The following RNF150 variants were observed in gnomAD, a reference collection of about 807,000 sequenced individuals.
The protein encoded by RNF150 is ring finger protein 150.
Under a neutral mutation model 39.3 loss-of-function variants are expected in RNF150, and 24 were observed. That is an observed-to-expected ratio of 0.61 (90% confidence interval 0.44 to 0.86). RNF150 has a LOEUF of 0.86. RNF150 is among the 40% of genes least tolerant of loss of function. The pLI, the probability that RNF150 is intolerant of heterozygous loss-of-function variation, is 0.00. For missense variants in RNF150, 502 were observed against 587.8 expected (o/e 0.85, Z 1.51); for synonymous variants, 255 against 227.3 (o/e 1.12, Z -1.10).
intron 4 of RNF150, among the ~76,000 whole-genome samples, chr4:140,929,193 C>A (rs1213825236): frequency 1.4e-5 from 2 of 147,792 alleles, no homozygotes; most frequent in Admixed American, 1.4e-4. Flanking sequence ...TGATTAATAT[C>A]CCCAAGTCTC....
intron 1 of RNF150, among the ~76,000 whole-genome samples, chr4:141,167,776 T>C (rs1441098404): frequency 1.3e-5 from 2 of 152,138 alleles, no homozygotes; most frequent in African/African-American, 4.8e-5. Context: ...TCTTTACACC[T>C]TATACAAAAA....
intron 2 of RNF150, among the ~76,000 whole-genome samples, chr4:140,957,152 C>T (rs1370517700): frequency 2.0e-5 from 3 of 151,738 alleles, no homozygotes; most frequent in African/African-American, 7.3e-5. Flanking sequence ...TCGCAACCTA[C>T]TCATCTGACA....
chr4:141,160,369 AT>A (rs1727489431), intron 1 of RNF150, among the ~76,000 whole-genome samples: 1 of 152,250 alleles, frequency 6.6e-6, no homozygotes, highest in Non-Finnish European at 1.5e-5. Context: ...TGGCAGGCTG[AT>A]AAATCTTATC....
intron 6 of RNF150, among the ~76,000 whole-genome samples, chr4:140,889,152 G>A (rs1182754367): frequency 6.6e-6 from 1 of 151,928 alleles, no homozygotes; most frequent in African/African-American, 2.4e-5. Flanking sequence ...CGAAGTGCTG[G>A]GATTACAGAC....
chr4:140,980,838 G>A (rs1733836849), intron 1 of RNF150, among the ~76,000 whole-genome samples: 1 of 152,112 alleles, frequency 6.6e-6, no homozygotes, highest in African/African-American at 2.4e-5. Flanking sequence ...TCGTTATAGA[G>A]CATGAGAACA....
intron 1 of RNF150, among the ~76,000 whole-genome samples, chr4:141,044,993 G>A (rs371044776): frequency 1.4e-3 from 219 of 152,312 alleles, no homozygotes; most frequent in Non-Finnish European, 1.5e-3. Flanking sequence ...TATTTTACAA[G>A]CATTATGTCT....
At chr4:140,946,798 G>A (rs144839664) in intron 4 of RNF150, among the ~76,000 whole-genome samples, 1 of 152,156 alleles carries the variant, frequency 6.6e-6, no homozygotes, top group South Asian at 2.1e-4. Context: ...GAGCCACCAT[G>A]CCTGGCTGAA....
At chr4:141,108,889 G>A (rs943777401) in intron 1 of RNF150, among the ~76,000 whole-genome samples, 2 of 152,126 alleles carry the variant, frequency 1.3e-5, no homozygotes, top group Non-Finnish European at 2.9e-5. Context: ...CTTAACCGCT[G>A]CAGCTCAGGC....
intron 1 of RNF150, among the ~76,000 whole-genome samples, chr4:141,017,545 T>G (rs1379140555): frequency 6.6e-6 from 1 of 152,184 alleles, no homozygotes; most frequent in African/African-American, 2.4e-5. Context: ...TGGGTTCACT[T>G]CTGGTGTACA....
intron 1 of RNF150, among the ~76,000 whole-genome samples, chr4:141,032,556 T>C (rs1318494149): frequency 2.0e-5 from 3 of 152,034 alleles, no homozygotes; most frequent in Non-Finnish European, 2.9e-5. Context: ...TCACATTATA[T>C]ATCATAAATT....
intron 1 of RNF150, among the ~76,000 whole-genome samples, chr4:141,113,346 A>AT (rs1028945478): frequency 5.9e-5 from 9 of 151,988 alleles, no homozygotes; most frequent in Admixed American, 5.2e-4. Flanking sequence ...TTAAAAAAAA[A>AT]AAAAAAAGCA....
intron 1 of RNF150, among the ~76,000 whole-genome samples, chr4:141,039,787 C>T (rs1197503418): frequency 6.6e-6 from 1 of 152,124 alleles, no homozygotes; most frequent in Non-Finnish European, 1.5e-5. Context: ...CCCAGAGTCC[C>T]ATATGAGCAG....
intron 1 of RNF150, among the ~76,000 whole-genome samples, chr4:141,076,134 T>C (rs990096799): frequency 2.0e-5 from 3 of 152,328 alleles, no homozygotes; most frequent in East Asian, 3.9e-4. Context: ...TGTGAAGTTT[T>C]CTAAAACTGC....
chr4:140,933,725 C>T (rs574292601), intron 4 of RNF150, among the ~76,000 whole-genome samples: 38 of 152,244 alleles, frequency 2.5e-4, no homozygotes, highest in Admixed American at 2.5e-3. Flanking sequence ...CATGCTTTTC[C>T]CTGTTCCTTG....
At chr4:141,104,090 G>C (rs984564511) in intron 1 of RNF150, among the ~76,000 whole-genome samples, 2 of 152,114 alleles carry the variant, frequency 1.3e-5, no homozygotes, top group Non-Finnish European at 2.9e-5. Flanking sequence ...ATAAGGCTTG[G>C]GGTTCTAGGG....
At chr4:141,062,874 C>T (rs1371573109) in intron 1 of RNF150, among the ~76,000 whole-genome samples, 1 of 152,158 alleles carries the variant, frequency 6.6e-6, no homozygotes, top group Non-Finnish European at 1.5e-5. Context: ...TGTTCCCATC[C>T]TCATGGTCAT....
intron 1 of RNF150, among the ~76,000 whole-genome samples, chr4:141,186,085 G>A (rs1728003286): frequency 6.6e-6 from 1 of 152,150 alleles, no homozygotes; most frequent in Non-Finnish European, 1.5e-5. Flanking sequence ...TCTATTGTTT[G>A]GAATAGTTTC....
chr4:141,118,919 C>T (rs568215595), intron 1 of RNF150, among the ~76,000 whole-genome samples: 4 of 152,036 alleles, frequency 2.6e-5, no homozygotes, highest in Admixed American at 2.0e-4. Flanking sequence ...CACCACCATG[C>T]CTGGCTAATT....
chr4:140,918,564 G>C (rs940384428), intron 5 of RNF150, among the ~76,000 whole-genome samples: 6 of 151,938 alleles, frequency 3.9e-5, no homozygotes, highest in African/African-American at 1.5e-4. Context: ...ACCAAAAAGA[G>C]TCCAGGTCCA....
Sources: gnomAD v4.1 joint callset for allele counts (sites outside exome capture counted in the v4.1 genomes callset) on GRCh38, gnomAD v4.1.1 for gene constraint, MANE v1.5 for transcripts, NCBI Gene and HGNC (gene_info 2026-07-23, HGNC 2026-07-21) for gene names.